SHANK2: variants seen among roughly 807,000 people sequenced by gnomAD.
SHANK2 encodes the protein SH3 and multiple ankyrin repeat domains protein 2.
A neutral mutation model predicts 133.7 loss-of-function variants in SHANK2; 43 were observed. The ratio of observed to expected loss-of-function variants is 0.32; its 90% CI spans 0.25 to 0.41. The LOEUF is 0.41. Among genes scored for constraint, SHANK2 ranks in the 10% least tolerant of loss-of-function variants. The pLI, the probability that SHANK2 is intolerant of heterozygous loss-of-function variation, is 1.00. For missense variants in SHANK2, 1,994 were observed against 2,235.8 expected, an observed-to-expected ratio of 0.89 and a Z score of 2.18; for synonymous variants, 1,017 against 952.8, an observed-to-expected ratio of 1.07 and a Z score of -1.24.
intron 14 of SHANK2, among the ~76,000 whole-genome samples, chr11:70,714,303 G>A (rs956674211): frequency 6.6e-6 from 1 of 152,180 alleles, no homozygotes; most frequent in Admixed American, 6.5e-5. Flanking sequence ...TGCCCACCTG[G>A]CCCCTGCAGC....
intron 8 of SHANK2, among the ~76,000 whole-genome samples, chr11:71,088,166 T>C (rs1951444277): frequency 6.6e-6 from 1 of 152,194 alleles, no homozygotes; most frequent in Non-Finnish European, 1.5e-5. Context: ...GAGGAAGAGA[T>C]TCTGCCAGAG....
At chr11:70,727,230 A>G (rs139478087) in intron 14 of SHANK2, among the ~76,000 whole-genome samples, 4 of 152,370 alleles carry the variant, frequency 2.6e-5, no homozygotes, top group African/African-American at 9.6e-5. Flanking sequence ...CACATGGGAA[A>G]CTATGTAAAA....
In SHANK2 at chr11:70,820,529, C is replaced by A; in HGVS notation, c.1328G>T (p.Arg443Leu). The A allele has an allele frequency of 1.4e-6, 1 of 717,036 alleles. No homozygotes were observed. The highest frequency in any genetic ancestry group is 1.5e-5 in the South Asian group (1 of 67,580). 44.4% of individuals were successfully genotyped at this position (717,036 alleles called of 1,614,324 possible). A position where few individuals can be genotyped will look rare whatever the true frequency, so the allele number is the denominator to read the frequency against. The part of the protein sequence containing the change: ...WAVCSTATSH[R>L]SLSPQLLQQM... ...CTGCAGCAGCTGGGGTGACAGGCTG[C>A]GGTGCGAGGTGGCCGTGGAGCAGAC... is the stretch of plus-strand genomic sequence containing the variant. The change falls in exon 12 of 26, where the codon CGC (arginine) becomes CTC (leucine). Residue 443 changes from arginine (R) to leucine (L), a missense_variant. Arg to Leu is a moderately radical substitution (Grantham distance 102). Transcript: ENST00000601538.
intron 17 of SHANK2, among the ~76,000 whole-genome samples, chr11:70,619,813 A>G (rs972090662): frequency 1.3e-4 from 20 of 152,186 alleles, no homozygotes; most frequent in African/African-American, 4.6e-4. Flanking sequence ...GGAGGCCTCC[A>G]TAACAGCAAG....
At position 70,479,381 on chromosome 11, in the gene SHANK2, G is replaced by C. The variant is rs538705070; in HGVS notation, c.4979+5933C>G. On this transcript the variant is annotated intron_variant, in intron 25 of 25. Transcript: ENST00000601538. The surrounding 1 kb of genome is among the most constrained non-coding windows in gnomAD (Gnocchi z 4.4). ...ATAATACTGCAGAGAGCCCAGTAGG[G>C]ACTGGAGGCCTTGGGAAGGGGAGGC... 2.0e-5 allele frequency among the ~76,000 whole-genome samples: 3 copies of C among 152,336 alleles called. No homozygotes were observed. In the South Asian group the frequency reaches 6.2e-4, roughly 32 times the overall value.
intron 14 of SHANK2, among the ~76,000 whole-genome samples, chr11:70,759,362 G>A (rs2134966300): frequency 6.6e-6 from 1 of 152,158 alleles, no homozygotes; most frequent in Non-Finnish European, 1.5e-5. Flanking sequence ...GCAGGTGCCT[G>A]TAATTTCAGC....
chr11:70,525,545 C>T (rs1032645104), intron 17 of SHANK2, among the ~76,000 whole-genome samples: 1 of 152,004 alleles, frequency 6.6e-6, no homozygotes, highest in Non-Finnish European at 1.5e-5. Flanking sequence ...CATTTGGAAA[C>T]GAGCTTCGAG....
chr11:70,659,760 A>C, intron 17 of SHANK2, 68 bp downstream of exon 17: 1 of 1,601,734 alleles, frequency 6.2e-7, no homozygotes, highest in Non-Finnish European at 8.5e-7. Context: ...TGCTGCCAGG[A>C]CTACGACCCT....
intron 14 of SHANK2, among the ~76,000 whole-genome samples, chr11:70,726,536 G>C (rs1172402121): frequency 6.6e-6 from 1 of 152,184 alleles, no homozygotes; most frequent in African/African-American, 2.4e-5. Context: ...GGTGGACAAA[G>C]CTGGTGGAAG....
At chr11:71,105,032 G>A (rs1951781430) in intron 6 of SHANK2, among the ~76,000 whole-genome samples, 1 of 152,214 alleles carries the variant, frequency 6.6e-6, no homozygotes, top group Non-Finnish European at 1.5e-5. Context: ...ACACACGGGT[G>A]TTTATGGCAG....
intron 17 of SHANK2, among the ~76,000 whole-genome samples, chr11:70,641,932 T>TG (rs145216559): frequency 5.3e-5 from 8 of 152,326 alleles, no homozygotes; most frequent in Non-Finnish European, 7.4e-5. Flanking sequence ...CCAATCTCTC[T>TG]GGGCAAGGGT....
At chr11:70,553,037 A>T (rs1459819011) in intron 17 of SHANK2, among the ~76,000 whole-genome samples, 1 of 152,040 alleles carries the variant, frequency 6.6e-6, no homozygotes, top group Non-Finnish European at 1.5e-5. Flanking sequence ...TCCCCTCTTA[A>T]GGACACAGTG....
intron 15 of SHANK2, among the ~76,000 whole-genome samples, chr11:70,665,786 A>G (rs1188388039): frequency 6.6e-6 from 1 of 152,214 alleles, no homozygotes; most frequent in African/African-American, 2.4e-5. Context: ...GGCGATGCCC[A>G]GTGAATGCTC....
chr11:70,712,202 TC>T (rs1402970719), intron 14 of SHANK2, among the ~76,000 whole-genome samples: 10 of 151,950 alleles, frequency 6.6e-5, no homozygotes, highest in Admixed American at 6.6e-4. Flanking sequence ...GACAAGTCCT[TC>T]CCCCCACTGC....
chr11:70,922,884 C>T (rs1222468445), intron 10 of SHANK2, among the ~76,000 whole-genome samples: 2 of 152,018 alleles, frequency 1.3e-5, no homozygotes, highest in African/African-American at 4.8e-5. Context: ...CAAAATACAA[C>T]ATCCCCTATA....
At chr11:70,555,630 G>A (rs1433457251) in intron 17 of SHANK2, among the ~76,000 whole-genome samples, 1 of 152,228 alleles carries the variant, frequency 6.6e-6, no homozygotes, top group Non-Finnish European at 1.5e-5. Flanking sequence ...CAGAGGCTGA[G>A]GCAGTGGATC....
intron 17 of SHANK2, among the ~76,000 whole-genome samples, chr11:70,571,737 G>A (rs1278006607): frequency 2.0e-5 from 3 of 152,098 alleles, no homozygotes; most frequent in African/African-American, 4.8e-5. Context: ...AGTCGGCAAA[G>A]GAGGGTGGTG....
intron 21 of SHANK2, among the ~76,000 whole-genome samples, chr11:70,497,629 C>T (rs868929588): frequency 6.6e-6 from 1 of 152,174 alleles, no homozygotes; most frequent in Non-Finnish European, 1.5e-5. Context: ...GTTACCAGAG[C>T]CCCCCAGCCC....
chr11:70,520,075 A>C (rs1209224759), intron 17 of SHANK2, among the ~76,000 whole-genome samples: 3 of 151,974 alleles, frequency 2.0e-5, no homozygotes, highest in African/African-American at 7.2e-5. Context: ...CAAATCTTTT[A>C]TTTTAGAATA....
Sources: gnomAD v4.1 joint callset for allele counts (sites outside exome capture counted in the v4.1 genomes callset) on GRCh38, gnomAD v4.1.1 for gene constraint, Gnocchi (gnomAD v3.1) non-coding constraint, MANE v1.5 for transcripts, NCBI Gene and HGNC (gene_info 2026-07-23, HGNC 2026-07-21) for gene names.